Variants in NECTIN1 observed in about 807,000 individuals in gnomAD.
NECTIN1 encodes nectin-1.
Under a neutral mutation model 48.0 loss-of-function variants are expected in NECTIN1, and 23 were observed. The observed-to-expected ratio is 0.48, with a 90% CI of 0.34 to 0.68. The LOEUF (loss-of-function observed/expected upper bound fraction) is 0.68, where lower values mean the gene tolerates loss of function less well. Among genes scored for constraint, NECTIN1 ranks in the 30% least tolerant of loss-of-function variants. NECTIN1 has a pLI of 0.01. For missense variants in NECTIN1, 591 were observed against 709.9 expected, an observed-to-expected ratio of 0.83 and a Z score of 1.90; for synonymous variants, 270 against 288.9, an observed-to-expected ratio of 0.93 and a Z score of 0.66.
chr11:119,669,556 C>T (rs967130278), intron 5 of NECTIN1, among the ~76,000 whole-genome samples: 1 of 152,212 alleles, frequency 6.6e-6, no homozygotes, highest in African/African-American at 2.4e-5. Flanking sequence ...TCCTTTCCCT[C>T]TGTGGACTGT....
chr11:119,720,927 C>T (rs985235125), intron 1 of NECTIN1, among the ~76,000 whole-genome samples: 11 of 152,298 alleles, frequency 7.2e-5, no homozygotes, highest in African/African-American at 2.4e-4. Flanking sequence ...TCCGTAGTGG[C>T]TGGCTCTTTC....
rs1331059197 is a variant in NECTIN1, at chr11:119,727,818, G to A, written c.79+657C>T. Among the ~76,000 whole-genome samples, 1 of 152,222 alleles carries A rather than the reference G, an allele frequency of 6.6e-6. No individual in the cohort carries two copies. Among genetic ancestry groups the A allele is most frequent in the Non-Finnish European group, 1.5e-5 (1 of 68,024 alleles). ...GTCTCCTCCAGGGAGAGCCCCCAGAGCTGGGAGCAGAGTTCCGAGGGGGAG... is the reference window on the plus strand; with the variant it reads ...GTCTCCTCCAGGGAGAGCCCCCAGAACTGGGAGCAGAGTTCCGAGGGGGAG... On this transcript the variant is annotated intron_variant, in intron 1 of 5. Coordinates refer to ENST00000264025, the MANE Select transcript of NECTIN1 (RefSeq NM_002855.5). This position sits in a 1 kb window ranked among gnomAD's most constrained non-coding sequence, Gnocchi z 4.1.
At position 119,717,544 on chromosome 11, in the gene NECTIN1, C is replaced by A. The variant is rs147707411; in HGVS notation, c.79+10931G>T. 4.7e-3 allele frequency among the ~76,000 whole-genome samples: 711 copies of A among 152,272 alleles called. 4 individuals are homozygous for A. The highest frequency in any genetic ancestry group is 0.014 in the African/African-American group (580 of 41,562). On this transcript the variant is annotated intron_variant, in intron 1 of 5. Transcript: ENST00000264025. ...TCAGGGGGTGGGGGAGGTGGGCAAT[C>A]ACGATAAAATAATCCAGTGCAGTGT...
chr11:119,638,705 C>G, intron 7 of NECTIN1: 8 of 1,604,658 alleles, frequency 5.0e-6, no homozygotes, highest in Non-Finnish European at 6.8e-6. Flanking sequence ...GTCCAGGGAC[C>G]TTGTCCTCTG....
chr11:119,658,079 T>C (rs1864605289), downstream of NECTIN1, among the ~76,000 whole-genome samples: 1 of 152,104 alleles, frequency 6.6e-6, no homozygotes, highest in Non-Finnish European at 1.5e-5. Flanking sequence ...GCCTGTGATG[T>C]ATGTTGATGA....
intron 1 of NECTIN1, among the ~76,000 whole-genome samples, chr11:119,721,509 C>T (rs1865830272): frequency 6.6e-6 from 1 of 152,230 alleles, no homozygotes; most frequent in African/African-American, 2.4e-5. Flanking sequence ...CTAATGTCCT[C>T]TAATGAGATC....
downstream of NECTIN1, among the ~76,000 whole-genome samples, chr11:119,659,735 T>C (rs1044101040): frequency 6.6e-6 from 1 of 152,220 alleles, no homozygotes; most frequent in Non-Finnish European, 1.5e-5. Context: ...TGGCTTGCCC[T>C]CCTTCCGCTG....
chr11:119,727,394 T>G lies in NECTIN1; in HGVS notation c.79+1081A>C, dbSNP rs1008025235. Among the ~76,000 whole-genome samples, 1 of 151,482 alleles carries G rather than the reference T, an allele frequency of 6.6e-6. No individual in the cohort carries two copies. Among genetic ancestry groups the G allele is most frequent in the African/African-American group, 2.4e-5 (1 of 41,186 alleles). On this transcript the variant is annotated intron_variant, in intron 1 of 5. Coordinates refer to ENST00000264025, the MANE Select transcript of NECTIN1 (RefSeq NM_002855.5). The surrounding 1 kb of genome is among the most constrained non-coding windows in gnomAD (Gnocchi z 4.1). ...GTGCTCCAGTCAAGATCCGCCCCCC[T>G]CCCCAAAATCCCATCTTGCTAGAGC...
intron 1 of NECTIN1, among the ~76,000 whole-genome samples, chr11:119,718,610 G>A (rs1354846504): frequency 2.6e-5 from 4 of 152,198 alleles, no homozygotes; most frequent in Admixed American, 6.5e-5. Context: ...CTGGGAACAC[G>A]CGCTGGGGGA....
intron 1 of NECTIN1, among the ~76,000 whole-genome samples, chr11:119,707,539 C>T (rs1865570312): frequency 6.6e-6 from 1 of 152,144 alleles, no homozygotes; most frequent in African/African-American, 2.4e-5. Context: ...ACCGTCTCCC[C>T]ACTCCAACTG....
rs928775909 is a variant in NECTIN1, at chr11:119,661,117, G to A, written c.*3630C>T. On this transcript the variant is annotated 3_prime_UTR_variant, in exon 6 of 6. Transcript: ENST00000264025. ...AACACCCCCCAGGTCAGAACCAGGA[G>A]GATCTGCTGGGCTGTCCCTGGACCA... 1.7e-5 allele frequency: 17 copies of A among 985,726 alleles called. No individual in the cohort carries two copies. In the South Asian group the frequency reaches 8.0e-4, roughly 46 times the overall value. The allele number at this position is 985,726 out of a possible 1,614,324, so 61.1% of individuals were successfully genotyped here.
At chr11:119,689,692 G>T (rs1055522770) in intron 1 of NECTIN1, among the ~76,000 whole-genome samples, 24 of 152,232 alleles carry the variant, frequency 1.6e-4, no homozygotes, top group African/African-American at 5.3e-4. Context: ...GCAGGTGGGG[G>T]CCACTGGAGC....
chr11:119,669,373 TG>T (rs1864829060), intron 5 of NECTIN1, among the ~76,000 whole-genome samples: 2 of 148,470 alleles, frequency 1.3e-5, no homozygotes, highest in Admixed American at 1.4e-4. Flanking sequence ...TTTGTGCCAT[TG>T]CACTCCAGCC....
At chr11:119,721,648 C>T (rs575149378) in intron 1 of NECTIN1, among the ~76,000 whole-genome samples, 1 of 152,330 alleles carries the variant, frequency 6.6e-6, no homozygotes, top group African/African-American at 2.4e-5. Flanking sequence ...GGGCCAGCCC[C>T]CGTGCCTGTC....
chr11:119,697,022 G>C (rs1423227927), intron 1 of NECTIN1, among the ~76,000 whole-genome samples: 1 of 152,108 alleles, frequency 6.6e-6, no homozygotes, highest in Non-Finnish European at 1.5e-5. Context: ...TGCCCACTCT[G>C]TGTGCTGCCC....
intron 5 of NECTIN1, among the ~76,000 whole-genome samples, chr11:119,668,256 T>C (rs571013576): frequency 6.6e-6 from 1 of 152,352 alleles, no homozygotes; most frequent in South Asian, 2.1e-4. Context: ...ATGGAACTTA[T>C]GCCAGGTTTT....
In NECTIN1 at chr11:119,726,974, G is replaced by C. The variant is rs145036618; in HGVS notation, c.79+1501C>G. On this transcript the variant is annotated intron_variant, in intron 1 of 5. Coordinates refer to ENST00000264025, the MANE Select transcript of NECTIN1 (RefSeq NM_002855.5). ...ACTCTCACCAAGACCACCCTCTGGG[G>C]GCAGGGTGGGCAGTGACACCTGTGA... 5.3e-5 allele frequency among the ~76,000 whole-genome samples: 8 copies of C among 152,098 alleles called. No individual in the cohort carries two copies. In the East Asian group the frequency reaches 1.5e-3, roughly 29 times the overall value.
At position 119,709,177 on chromosome 11, in the gene NECTIN1, A is replaced by G. The variant is rs865959432; in HGVS notation, c.79+19298T>C. ...TTTGAAGACAGGCGGGTCCCTTGGTAATAGAACAGGCACGAAGAGGCTTTG... is the reference window on the plus strand; with the variant it reads ...TTTGAAGACAGGCGGGTCCCTTGGTGATAGAACAGGCACGAAGAGGCTTTG... On this transcript the variant is annotated intron_variant, in intron 1 of 5. Coordinates refer to ENST00000264025, the MANE Select transcript of NECTIN1 (RefSeq NM_002855.5). This position sits in a 1 kb window ranked among gnomAD's most constrained non-coding sequence, Gnocchi z 4.1. Among the ~76,000 whole-genome samples the G allele has an allele frequency of 9.9e-5, 15 of 152,110 alleles. No individual in the cohort carries two copies. The highest frequency in any genetic ancestry group is 1.9e-4 in the Non-Finnish European group (13 of 68,008).
chr11:119,685,570 C>T lies in NECTIN1; in HGVS notation c.80-6805G>A, dbSNP rs181341162. On this transcript the variant is annotated intron_variant, in intron 1 of 5. Transcript: ENST00000264025. ...TCAGGGAGCTGAGTTTTGCCTTCTC[C>T]CACCAGGTGGCTGAGGACACCTGGA... 4.1e-3 allele frequency among the ~76,000 whole-genome samples: 626 copies of T among 152,310 alleles called. 8 individuals are homozygous for T. Among genetic ancestry groups the T allele is most frequent in the African/African-American group, 0.014 (581 of 41,588 alleles).
Sources: gnomAD v4.1 joint callset for allele counts (sites outside exome capture counted in the v4.1 genomes callset) on GRCh38, gnomAD v4.1.1 for gene constraint, Gnocchi (gnomAD v3.1) non-coding constraint, MANE v1.5 for transcripts, NCBI Gene and HGNC (gene_info 2026-07-23, HGNC 2026-07-21) for gene names.